Variants in MAGI3 observed in about 807,000 individuals in gnomAD.
MAGI3 encodes membrane-associated guanylate kinase, WW and PDZ domain-containing protein 3.
In MAGI3, 43 loss-of-function variants were observed where a neutral mutation model predicts 121.8. That is an observed-to-expected ratio of 0.35 (90% confidence interval 0.28 to 0.46). The LOEUF (loss-of-function observed/expected upper bound fraction) is 0.46. Ranked by LOEUF, MAGI3 falls within the 20% of genes least tolerant of loss-of-function variation. MAGI3 has a pLI of 1.00. For synonymous variants in MAGI3, 553 were observed against 639.3 expected (o/e 0.86, Z 2.04); for missense variants, 1,547 against 1,797.3 (o/e 0.86, Z 2.52).
chr1:113,551,473 G>A (rs1435114952), intron 2 of MAGI3, among the ~76,000 whole-genome samples: 2 of 152,128 alleles, frequency 1.3e-5, no homozygotes, highest in Admixed American at 1.3e-4. Flanking sequence ...AGACTCCTTA[G>A]CATCGCATAA....
chr1:113,633,597 G>A lies in MAGI3; in HGVS notation c.1361-8314G>A, dbSNP rs1323452273. Among the ~76,000 whole-genome samples the A allele has an allele frequency of 4.6e-5, 7 of 152,050 alleles. No homozygotes were observed. In the East Asian group the frequency reaches 5.8e-4, roughly 13 times the overall value. On this transcript the variant is annotated intron_variant, in intron 9 of 20. Coordinates refer to ENST00000307546, the MANE Select transcript of MAGI3 (RefSeq NM_001142782.2). ...TTTTTATGGCTGCATAGTATTCCAC[G>A]GTGTATATGTGCCACATTTTCTTAA...
Position 113,493,087 on chromosome 1 carries a change from A to T in MAGI3, c.317-56428A>T, listed in dbSNP as rs147176843. On this transcript the variant is annotated intron_variant, in intron 1 of 20. Coordinates refer to ENST00000307546, the MANE Select transcript of MAGI3 (RefSeq NM_001142782.2). ...AAAAAGAGCCCAAATAGCCAAGGTG[A>T]TCCTAATCAAAAAGAACAAAGCTGG... Among the ~76,000 whole-genome samples the T allele has an allele frequency of 1.3e-4, 20 of 152,312 alleles. No homozygotes were observed. The East Asian group carries it at 3.5e-3, about 26-fold the overall frequency.
intron 1 of MAGI3, among the ~76,000 whole-genome samples, chr1:113,515,938 C>G (rs1273981829): frequency 1.3e-5 from 2 of 152,056 alleles, no homozygotes; most frequent in African/African-American, 2.4e-5. Flanking sequence ...ACATTTTGAA[C>G]TGGGTAATTA....
At chr1:113,416,305 T>C (rs1311425887) in intron 1 of MAGI3, among the ~76,000 whole-genome samples, 1 of 127,600 alleles carries the variant, frequency 7.8e-6, no homozygotes, top group South Asian at 2.3e-4. Flanking sequence ...TAATTAATTA[T>C]GTAATTAATT....
chr1:113,495,839 CAGA>C (rs1177698150), intron 1 of MAGI3, among the ~76,000 whole-genome samples: 1 of 152,102 alleles, frequency 6.6e-6, no homozygotes, highest in Non-Finnish European at 1.5e-5. Flanking sequence ...GAAAATATCA[CAGA>C]AGCACAACAG....
At chr1:113,457,922 T>C (rs1654837258) in intron 1 of MAGI3, among the ~76,000 whole-genome samples, 1 of 152,142 alleles carries the variant, frequency 6.6e-6, no homozygotes, top group African/African-American at 2.4e-5. Context: ...TAAAGAACTA[T>C]GTGGTGACAA....
chr1:113,659,265 G>A lies in MAGI3; in HGVS notation c.2815G>A (p.Glu939Lys), dbSNP rs755029169. 1.1e-5 allele frequency: 17 copies of A among 1,612,928 alleles called. No individual in the cohort carries two copies. The highest frequency in any genetic ancestry group is 1.3e-5 in the Non-Finnish European group (15 of 1,179,718). ...TVTLTVIAEE[E>K]HHGPPSGTNS... is the part of the protein sequence containing the mutation. ...CACACTAACGGTCATTGCTGAAGAA[G>A]GTAAGGAGCCAGTAGACGCGCCTGC... Residue 939 changes from glutamate (E) to lysine (K), a missense_variant and splice_region_variant, in exon 16 of 21, where the codon GAG (glutamate) becomes AAG (lysine). Coordinates refer to ENST00000307546, the MANE Select transcript of MAGI3 (RefSeq NM_001142782.2).
chr1:113,609,277 A>C (rs941239835), intron 6 of MAGI3, among the ~76,000 whole-genome samples: 2 of 152,198 alleles, frequency 1.3e-5, no homozygotes, highest in African/African-American at 4.8e-5. Flanking sequence ...ATAATATTTT[A>C]AGTGTAGGTT....
chr1:113,582,033 G>A (rs879329522), intron 3 of MAGI3, among the ~76,000 whole-genome samples: 2 of 151,866 alleles, frequency 1.3e-5, no homozygotes, highest in Admixed American at 6.6e-5. Context: ...TGGTATGGAC[G>A]AAGTGGCATA....
At chr1:113,550,898 A>T (rs1161433991) in intron 2 of MAGI3, among the ~76,000 whole-genome samples, 1 of 151,332 alleles carries the variant, frequency 6.6e-6, no homozygotes, top group Non-Finnish European at 1.5e-5. Flanking sequence ...CATACCAAGA[A>T]CAAGTATTTT....
chr1:113,494,216 A>G (rs943170436), intron 1 of MAGI3, among the ~76,000 whole-genome samples: 2 of 152,218 alleles, frequency 1.3e-5, no homozygotes, highest in Non-Finnish European at 2.9e-5. Flanking sequence ...TTGCAGGAAC[A>G]TGGATGGAGC....
intron 6 of MAGI3, among the ~76,000 whole-genome samples, chr1:113,601,676 G>A (rs918022243): frequency 1.7e-4 from 24 of 145,318 alleles, no homozygotes; most frequent in Non-Finnish European, 3.3e-4. Flanking sequence ...ATTCCTCAGG[G>A]ATCTAGAACT....
chr1:113,517,952 C>T (rs1658007300), intron 1 of MAGI3, among the ~76,000 whole-genome samples: 2 of 151,820 alleles, frequency 1.3e-5, no homozygotes, highest in African/African-American at 4.8e-5. Context: ...AAATTTGATC[C>T]TCCTAATACC....
At chr1:113,561,251 C>A (rs1335992705) in intron 2 of MAGI3, among the ~76,000 whole-genome samples, 1 of 152,226 alleles carries the variant, frequency 6.6e-6, no homozygotes, top group African/African-American at 2.4e-5. Flanking sequence ...AGGGACTCCT[C>A]CCTAACCATT....
rs988679423 is a variant in MAGI3, at chr1:113,422,715, G to A, written c.316+31366G>A. 5.9e-5 allele frequency among the ~76,000 whole-genome samples: 9 copies of A among 152,236 alleles called. No individual in the cohort carries two copies. The highest frequency in any genetic ancestry group is 1.9e-4 in the African/African-American group (8 of 41,452). On this transcript the variant is annotated intron_variant, in intron 1 of 20. Coordinates refer to ENST00000307546, the MANE Select transcript of MAGI3 (RefSeq NM_001142782.2). The surrounding 1 kb of genome is among the most constrained non-coding windows in gnomAD (Gnocchi z 4.3). ...GAACGTGGTGGCGCCTGAAAGCTGA[G>A]AGATACCAGGAACAGCAGAACCCTA...
intron 1 of MAGI3, among the ~76,000 whole-genome samples, chr1:113,468,244 T>C (rs1400596614): frequency 6.6e-6 from 1 of 152,196 alleles, no homozygotes; most frequent in Admixed American, 6.5e-5. Flanking sequence ...AGTGACTTAG[T>C]ACTACCATTT....
rs995205163 is a variant in MAGI3 at position 113,391,166 on chromosome 1, C to T, written c.133C>T (p.Leu45=). The part of the protein sequence containing the change: ...GGAERGEFPY[L]GRLREEPGGG... ...CGCGGAGCGTGGCGAGTTCCCCTACCTGGGGCGGCTCCGCGAGGAGCCCGG... is the reference window on the plus strand; with the variant it reads ...CGCGGAGCGTGGCGAGTTCCCCTACTTGGGGCGGCTCCGCGAGGAGCCCGG... The change falls in exon 1 of 21, where the codon CTG becomes TTG. Residue 45 remains leucine, a synonymous_variant. Coordinates refer to ENST00000307546, the MANE Select transcript of MAGI3 (RefSeq NM_001142782.2). The surrounding 1 kb of genome is among the most constrained non-coding windows in gnomAD (Gnocchi z 4.4). 1 of 1,556,126 alleles carries T rather than the reference C, an allele frequency of 6.4e-7. No homozygotes were observed. The highest frequency in any genetic ancestry group is 8.7e-7 in the Non-Finnish European group (1 of 1,150,468).
chr1:113,584,966 C>CAATTT (rs61622151), intron 3 of MAGI3, among the ~76,000 whole-genome samples: 39,234 of 108,754 alleles, frequency 0.36, 8,561 homozygotes, highest in African/African-American at 0.47. Context: ...GTAGATATTT[C>CAATTT]CTTTTTTTTT....
At chr1:113,632,684 G>A (rs933351478) in intron 9 of MAGI3, among the ~76,000 whole-genome samples, 3 of 152,120 alleles carry the variant, frequency 2.0e-5, no homozygotes, top group African/African-American at 7.2e-5. Flanking sequence ...CTTCAATAAT[G>A]CATTGTTTGC....
Sources: gnomAD v4.1 joint callset for allele counts (sites outside exome capture counted in the v4.1 genomes callset) on GRCh38, gnomAD v4.1.1 for gene constraint, Gnocchi (gnomAD v3.1) non-coding constraint, MANE v1.5 for transcripts, NCBI Gene and HGNC (gene_info 2026-07-23, HGNC 2026-07-21) for gene names.